Variants in DPP4 observed in about 807,000 individuals in gnomAD.
DPP4 encodes the protein ADCP-2.
In DPP4, 93 loss-of-function variants were observed where a neutral mutation model predicts 122.4. The ratio of observed to expected loss-of-function variants is 0.76; its 90% confidence interval spans 0.64 to 0.90. DPP4 has a LOEUF of 0.90. DPP4 is among the 40% of genes least tolerant of loss of function. The pLI is 0.00. For missense variants in DPP4, 914 were observed against 907.3 expected, an observed-to-expected ratio of 1.01 and a Z score of -0.09; for synonymous variants, 321 against 302.9, an observed-to-expected ratio of 1.06 and a Z score of -0.62.
intron 5 of DPP4, among the ~76,000 whole-genome samples, chr2:162,040,816 G>A (rs1683958037): frequency 6.6e-6 from 1 of 151,844 alleles, no homozygotes; most frequent in Non-Finnish European, 1.5e-5. Flanking sequence ...ACTCATGCAA[G>A]ACATTAATAA....
At chr2:161,993,574 G>A (rs1237286821) in intron 25 of DPP4, among the ~76,000 whole-genome samples, 190 bp from the exon 26 acceptor site, 1 of 152,174 alleles carries the variant, frequency 6.6e-6, no homozygotes, top group Admixed American at 6.5e-5. Flanking sequence ...CTTTTCCAGG[G>A]CACGTTGTTC....
At chr2:162,066,143 C>T (rs1477895416) in intron 2 of DPP4, among the ~76,000 whole-genome samples, 1 of 152,162 alleles carries the variant, frequency 6.6e-6, no homozygotes, top group Non-Finnish European at 1.5e-5. Context: ...AAATTCTTTA[C>T]TTAAGCTATC....
At chr2:162,003,894 T>C (rs1239733757) in intron 23 of DPP4, among the ~76,000 whole-genome samples, 1 of 152,166 alleles carries the variant, frequency 6.6e-6, no homozygotes, top group Non-Finnish European at 1.5e-5. Context: ...CAGTACAAGA[T>C]ACCTATTAGT....
chr2:162,012,495 T>C (rs986058131), intron 19 of DPP4, among the ~76,000 whole-genome samples: 1 of 152,226 alleles, frequency 6.6e-6, no homozygotes, highest in South Asian at 2.1e-4. Flanking sequence ...CTGTAAATCA[T>C]TGTGGAATGG....
intron 2 of DPP4, among the ~76,000 whole-genome samples, chr2:162,072,427 C>T (rs963715016): frequency 2.0e-5 from 3 of 152,214 alleles, no homozygotes; most frequent in Non-Finnish European, 4.4e-5. Flanking sequence ...GGCACATTTG[C>T]CCTGGCCTTG....
chr2:162,061,266 T>G (rs1330692831), intron 2 of DPP4, among the ~76,000 whole-genome samples: 3 of 152,138 alleles, frequency 2.0e-5, no homozygotes, highest in Admixed American at 2.0e-4. Context: ...GCAGAGTGTG[T>G]ACTGATCTTA....
At chr2:162,018,959 CT>C in intron 15 of DPP4, 109 bp from the exon 16 acceptor site, 1 of 1,368,538 alleles carries the variant, frequency 7.3e-7, no homozygotes, top group Non-Finnish European at 9.9e-7. Flanking sequence ...CCAACGCAAT[CT>C]TTAGGACTTT....
intron 2 of DPP4, among the ~76,000 whole-genome samples, chr2:162,070,653 A>G (rs1322164939): frequency 6.6e-6 from 1 of 151,584 alleles, no homozygotes; most frequent in Non-Finnish European, 1.5e-5. Flanking sequence ...GACAACATGG[A>G]GGGCATTTCT....
At chr2:162,008,947 G>A (rs1701350729) in intron 21 of DPP4, among the ~76,000 whole-genome samples, 1 of 151,984 alleles carries the variant, frequency 6.6e-6, no homozygotes, top group South Asian at 2.1e-4. Flanking sequence ...ACAATAACAC[G>A]AAATCTTTAC....
chr2:162,009,330 T>C (rs1576037184), intron 20 of DPP4, 35 bp from the exon 21 acceptor site: 2 of 1,597,010 alleles, frequency 1.3e-6, no homozygotes, highest in African/African-American at 2.7e-5. Flanking sequence ...AGATCAGTAC[T>C]GCATTGTGTA....
At position 161,993,326 on chromosome 2, in the gene DPP4, G is replaced by A. The variant is rs925010718; in HGVS notation, c.2258C>T (p.Thr753Ile). ...ASSTAHQHIY[T>I]HMSHFIKQCF... ...TTGTTTTATGAAGTGGCTCATGTGG[G>A]TATATATATGTTGGTGTGCTGTGCT... Residue 753 changes from threonine (T) to isoleucine (I), a missense_variant, in exon 26 of 26, where the codon ACC (threonine) becomes ATC (isoleucine). By Grantham distance (89) the Thr-to-Ile change is moderately conservative. Coordinates refer to ENST00000360534, the MANE Select transcript of DPP4 (RefSeq NM_001935.4). The A allele has an allele frequency of 1.2e-6, 2 of 1,613,628 alleles. No homozygotes were observed. The highest frequency in any genetic ancestry group is 2.7e-5 in the African/African-American group (2 of 74,972).
At chr2:162,017,242 T>A (rs1682959280) in intron 16 of DPP4, 87 bp from the exon 17 acceptor site, 10 of 1,132,040 alleles carry the variant, frequency 8.8e-6, no homozygotes, top group Non-Finnish European at 1.3e-5. Flanking sequence ...TACCATTTGT[T>A]ACCATTTAAC....
intron 2 of DPP4, among the ~76,000 whole-genome samples, chr2:162,055,022 A>T (rs1684518395): frequency 6.6e-6 from 1 of 152,242 alleles, no homozygotes; most frequent in Admixed American, 6.5e-5. Context: ...AATATAAAAG[A>T]GTCTTTCCTC....
chr2:162,036,770 T>C (rs2284869), intron 8 of DPP4, among the ~76,000 whole-genome samples: 5,895 of 152,270 alleles, frequency 0.039, 340 homozygotes, highest in East Asian at 0.26. Flanking sequence ...TCATAGCTCA[T>C]TGCACAAAGA....
chr2:162,062,826 A>AT (rs1184477764), intron 2 of DPP4, among the ~76,000 whole-genome samples: 1 of 152,220 alleles, frequency 6.6e-6, no homozygotes, highest in Non-Finnish European at 1.5e-5. Context: ...CCAACTGTGC[A>AT]TCATAACGAA....
Position 162,005,694 on chromosome 2 carries a change from T to G in DPP4, c.2052+51A>C, listed in dbSNP as rs1310673158. The G allele has an allele frequency of 2.0e-6, 3 of 1,488,176 alleles. No homozygotes were observed. The Admixed American group carries it at 5.8e-5, about 29-fold the overall frequency. 92.2% of individuals were successfully genotyped at this position (1,488,176 alleles called of 1,614,324 possible). On this transcript the variant is annotated intron_variant, in intron 23 of 25. Coordinates refer to ENST00000360534, the MANE Select transcript of DPP4 (RefSeq NM_001935.4). ...GAATAGATACAATTAAGAAGGTTCT[T>G]AAACCACTTATAAATAGGTTATAAA... is the stretch of plus-strand genomic sequence containing the variant.
At chr2:161,999,574 C>T (rs1450098083) in intron 23 of DPP4, among the ~76,000 whole-genome samples, 4 of 152,176 alleles carry the variant, frequency 2.6e-5, no homozygotes, top group African/African-American at 7.2e-5. Flanking sequence ...GTGGCAGTGC[C>T]GACTCCACAG....
intron 12 of DPP4, 61 bp from the exon 13 acceptor site, chr2:162,020,749 T>G (rs1044384312): frequency 1.1e-5 from 14 of 1,308,698 alleles, no homozygotes; most frequent in Non-Finnish European, 1.5e-5. Context: ...AGTACCAACT[T>G]TAGTTTTAGA....
At chr2:162,046,861 A>G (rs111873482) in intron 4 of DPP4, 54 bp downstream of exon 4, 150 of 1,163,034 alleles carry the variant, frequency 1.3e-4, no homozygotes, top group Non-Finnish European at 1.0e-4. Flanking sequence ...TCCAAAGGTA[A>G]TGAAAAAAAT....
Sources: allele counts gnomAD v4.1 joint callset (sites outside exome capture counted in the v4.1 genomes callset), GRCh38; gene constraint gnomAD v4.1.1; transcripts MANE v1.5; gene names NCBI Gene and HGNC (gene_info 2026-07-23, HGNC 2026-07-21).